Variants in TENM2 observed in about 807,000 individuals in gnomAD.
The protein encoded by TENM2 is teneurin transmembrane protein 2.
TENM2 carries 52 observed loss-of-function variants against 245.2 expected under a neutral mutation model. That is an observed-to-expected ratio of 0.21 (90% CI 0.17 to 0.27). TENM2 has a LOEUF of 0.27. TENM2 is among the 10% of genes least tolerant of loss of function. The probability of loss-of-function intolerance (pLI) is 1.00; values close to 1 mark genes in which losing one functional copy is unlikely to be tolerated. For missense variants in TENM2, 3,046 were observed against 3,666.8 expected, an observed-to-expected ratio of 0.83 and a Z score of 4.37; for synonymous variants, 1,363 against 1,438.9, an observed-to-expected ratio of 0.95 and a Z score of 1.19.
chr5:167,838,666 A>G (rs1402948601), intron 2 of TENM2, among the ~76,000 whole-genome samples: 1 of 152,140 alleles, frequency 6.6e-6, no homozygotes, highest in African/African-American at 2.4e-5. Flanking sequence ...TGTGATTCCT[A>G]TCTCAGCCGA....
the TENM2 span, among the ~76,000 whole-genome samples, chr5:167,248,952 C>T: frequency 6.6e-6 from 1 of 152,122 alleles, no homozygotes; most frequent in South Asian, 2.1e-4. Flanking sequence ...TCTGATTCTC[C>T]ACTAATTTAT....
intron 2 of TENM2, among the ~76,000 whole-genome samples, chr5:167,656,839 A>T (rs773259668): frequency 1.3e-5 from 2 of 152,096 alleles, no homozygotes; most frequent in Non-Finnish European, 2.9e-5. Context: ...TAATGAACAC[A>T]TAATGTTATA....
At chr5:167,912,160 C>T (rs1462456381) in intron 3 of TENM2, among the ~76,000 whole-genome samples, 1 of 152,142 alleles carries the variant, frequency 6.6e-6, no homozygotes, top group Admixed American at 6.5e-5. Flanking sequence ...CCAATCTCCA[C>T]CTTCCAGCCC....
intron 2 of TENM2, among the ~76,000 whole-genome samples, chr5:167,656,235 G>T (rs1388676430): frequency 6.6e-6 from 1 of 152,144 alleles, no homozygotes; most frequent in African/African-American, 2.4e-5. Context: ...CAGAGGTAAG[G>T]GATGGGCCAT....
the TENM2 span, among the ~76,000 whole-genome samples, chr5:167,097,964 A>G: frequency 6.6e-6 from 1 of 152,222 alleles, no homozygotes; most frequent in African/African-American, 2.4e-5. Context: ...CAGTGACAAT[A>G]TTAGAATGAT....
At chr5:167,110,740 C>T in the TENM2 span, among the ~76,000 whole-genome samples, 9 of 152,226 alleles carry the variant, frequency 5.9e-5, no homozygotes, top group South Asian at 1.2e-3. Context: ...TAATTTCAGT[C>T]CCTGGGAGCT....
chr5:167,059,667 T>TTTGATACTTCAAATGCTTAC, the TENM2 span, among the ~76,000 whole-genome samples: 1 of 152,180 alleles, frequency 6.6e-6, no homozygotes, highest in African/African-American at 2.4e-5. Context: ...CTGATAGTTA[T>TTTGATACTTCAAATGCTTAC]TTGATACTTC....
the TENM2 span, among the ~76,000 whole-genome samples, chr5:167,051,796 TA>T: frequency 0.023 from 3,438 of 152,340 alleles, 76 homozygotes; most frequent in South Asian, 0.09. Flanking sequence ...ATTAGTTTTT[TA>T]AAATTCAAAA....
At chr5:167,007,366 C>T in the TENM2 span, among the ~76,000 whole-genome samples, 3 of 152,140 alleles carry the variant, frequency 2.0e-5, no homozygotes, top group East Asian at 5.8e-4. The surrounding 1 kb of genome is among the most constrained non-coding windows in gnomAD (Gnocchi z 4.2). Context: ...AGGAAAAGAG[C>T]TTATAGAAAT....
At chr5:167,549,181 T>G (rs891788171) in intron 2 of TENM2, among the ~76,000 whole-genome samples, 4 of 152,150 alleles carry the variant, frequency 2.6e-5, no homozygotes, top group African/African-American at 9.7e-5. Context: ...TCAACATATC[T>G]TTGGTGTGAA....
intron 5 of TENM2, among the ~76,000 whole-genome samples, chr5:168,000,900 C>T (rs751115621): frequency 3.9e-5 from 6 of 151,966 alleles, no homozygotes; most frequent in Non-Finnish European, 8.8e-5. Flanking sequence ...AGAAGCTCAA[C>T]TAAATGGAGC....
At chr5:167,644,550 G>C (rs1582635783) in intron 2 of TENM2, among the ~76,000 whole-genome samples, 1 of 152,132 alleles carries the variant, frequency 6.6e-6, no homozygotes, top group African/African-American at 2.4e-5. Context: ...CTACTATTTT[G>C]TATCAGGCAC....
intron 2 of TENM2, among the ~76,000 whole-genome samples, chr5:167,781,652 A>T (rs998177310): frequency 6.6e-6 from 1 of 152,212 alleles, no homozygotes. Flanking sequence ...AACTCAGGCT[A>T]TAGGCCTCGT....
At chr5:167,845,343 G>T (rs1202806528) in intron 2 of TENM2, among the ~76,000 whole-genome samples, 3 of 150,106 alleles carry the variant, frequency 2.0e-5, no homozygotes, top group Admixed American at 1.3e-4. Context: ...GCTTGGGCAG[G>T]AATGGAAAGG....
intron 10 of TENM2, among the ~76,000 whole-genome samples, chr5:168,124,630 C>G (rs1038541873): frequency 2.0e-5 from 3 of 152,144 alleles, no homozygotes; most frequent in African/African-American, 7.2e-5. Flanking sequence ...GTATCTTCTT[C>G]AAGTTTGAGA....
chr5:167,393,103 C>T (rs1405824609), intron 2 of TENM2, among the ~76,000 whole-genome samples: 1 of 143,578 alleles, frequency 7.0e-6, no homozygotes, highest in African/African-American at 2.6e-5. Context: ...GCATGGGCGA[C>T]AGAGCAAGAC....
intron 2 of TENM2, among the ~76,000 whole-genome samples, chr5:167,731,130 C>T (rs949880786): frequency 2.0e-5 from 3 of 151,518 alleles, no homozygotes; most frequent in African/African-American, 7.3e-5. Context: ...TAATCTTTCA[C>T]GTTTTATATT....
intron 2 of TENM2, among the ~76,000 whole-genome samples, chr5:167,811,113 G>T (rs1308113227): frequency 6.6e-6 from 1 of 152,164 alleles, no homozygotes; most frequent in Non-Finnish European, 1.5e-5. Flanking sequence ...TAGACACTGT[G>T]TAGAATCCCC....
the TENM2 span, among the ~76,000 whole-genome samples, chr5:167,062,556 G>A: frequency 5.9e-5 from 9 of 151,860 alleles, 1 homozygote; most frequent in South Asian, 1.9e-3. Flanking sequence ...TATAAGTATT[G>A]TATAACTATT....
Sources: allele counts gnomAD v4.1 joint callset (sites outside exome capture counted in the v4.1 genomes callset), GRCh38; gene constraint gnomAD v4.1.1; non-coding constraint Gnocchi (gnomAD v3.1); transcripts MANE v1.5; gene names NCBI Gene and HGNC (gene_info 2026-07-23, HGNC 2026-07-21).